SNTG2: variants seen among roughly 807,000 people sequenced by gnomAD.
SNTG2 encodes the protein gamma-2-syntrophin.
In SNTG2, 74 loss-of-function variants were observed where a neutral mutation model predicts 70.9. The ratio of observed to expected loss-of-function variants is 1.04; its 90% CI spans 0.86 to 1.27. The LOEUF is 1.27. SNTG2 is among the 50% of genes most tolerant of loss of function. The pLI is 0.00. For synonymous variants in SNTG2, 278 were observed against 273.8 expected, an observed-to-expected ratio of 1.02 and a Z score of -0.15; for missense variants, 717 against 690.7, an observed-to-expected ratio of 1.04 and a Z score of -0.43.
At chr2:1,310,370 G>C (rs541626359) in intron 15 of SNTG2, among the ~76,000 whole-genome samples, 2 of 152,162 alleles carry the variant, frequency 1.3e-5, no homozygotes, top group Non-Finnish European at 2.9e-5. Flanking sequence ...ACCCATGCTC[G>C]GGGCTCAGCA....
intron 4 of SNTG2, among the ~76,000 whole-genome samples, chr2:1,134,911 CG>C (rs1442731271): frequency 3.3e-5 from 5 of 152,194 alleles, no homozygotes; most frequent in Admixed American, 6.5e-5. Context: ...AGCGCAACAC[CG>C]GTGGGCCAGA....
At chr2:1,113,254 AAGTG>A (rs1666642768) in intron 4 of SNTG2, among the ~76,000 whole-genome samples, 1 of 149,440 alleles carries the variant, frequency 6.7e-6, no homozygotes, top group Admixed American at 6.6e-5. Flanking sequence ...GGTGTGTACT[AAGTG>A]AGGTTTAACC....
chr2:1,047,016 C>T (rs939019816), intron 1 of SNTG2, among the ~76,000 whole-genome samples: 9 of 152,112 alleles, frequency 5.9e-5, no homozygotes, highest in African/African-American at 2.2e-4. Flanking sequence ...GGTTTTGTCT[C>T]TTTATGTAGT....
intron 7 of SNTG2, among the ~76,000 whole-genome samples, chr2:1,171,373 A>G (rs1046995880): frequency 6.6e-6 from 1 of 152,206 alleles, no homozygotes; most frequent in African/African-American, 2.4e-5. Flanking sequence ...TCCTTTGTCT[A>G]TAGCATGAAC....
At chr2:1,272,395 T>C (rs72770635) in intron 14 of SNTG2, among the ~76,000 whole-genome samples, 13,487 of 135,088 alleles carry the variant, frequency 0.1, 680 homozygotes, top group South Asian at 0.16. Flanking sequence ...AGAGGTCAGG[T>C]GGTAATGCTC....
intron 12 of SNTG2, among the ~76,000 whole-genome samples, chr2:1,254,303 G>A (rs28554056): frequency 0.091 from 13,858 of 152,160 alleles, 699 homozygotes; most frequent in South Asian, 0.15. Flanking sequence ...GATTAAAGCC[G>A]GGACTCTCAA....
intron 14 of SNTG2, among the ~76,000 whole-genome samples, chr2:1,279,564 T>C (rs1679432011): frequency 6.6e-6 from 1 of 152,240 alleles, no homozygotes; most frequent in South Asian, 2.1e-4. Flanking sequence ...TGAAGGCTAT[T>C]GCTTATATCA....
chr2:1,191,327 G>A (rs1672580565), intron 8 of SNTG2, among the ~76,000 whole-genome samples: 1 of 152,124 alleles, frequency 6.6e-6, no homozygotes, highest in Non-Finnish European at 1.5e-5. Flanking sequence ...CTCTCATGTA[G>A]ACTTTACATT....
chr2:1,278,991 C>G (rs1333119783), intron 14 of SNTG2, among the ~76,000 whole-genome samples: 1 of 148,416 alleles, frequency 6.7e-6, no homozygotes, highest in Non-Finnish European at 1.5e-5. Context: ...CGCGAATCAC[C>G]CCTCTGTCAG....
chr2:1,124,400 T>G (rs542379134), intron 4 of SNTG2, among the ~76,000 whole-genome samples: 54 of 151,624 alleles, frequency 3.6e-4, no homozygotes, highest in African/African-American at 1.3e-3. Flanking sequence ...GTTCATGCCA[T>G]TCTCCTGCCT....
chr2:1,209,297 G>C, intron 9 of SNTG2, 67 bp downstream of exon 9: 3 of 1,599,990 alleles, frequency 1.9e-6, no homozygotes, highest in Non-Finnish European at 2.6e-6. Flanking sequence ...GTTCCTACAG[G>C]CCGCTGGTTA....
chr2:1,249,233 A>G (rs1204911792), intron 12 of SNTG2, among the ~76,000 whole-genome samples: 1 of 152,222 alleles, frequency 6.6e-6, no homozygotes, highest in African/African-American at 2.4e-5. Flanking sequence ...CTGTTTTATC[A>G]TGGAGACCTA....
At chr2:1,242,874 T>C (rs1179054749) in intron 11 of SNTG2, 1 of 152,244 alleles carries the variant, frequency 6.6e-6, no homozygotes, top group Non-Finnish European at 1.5e-5. Flanking sequence ...TTTATTATAA[T>C]GGTTATGACA....
At chr2:1,221,815 G>A (rs1553361535) in intron 9 of SNTG2, among the ~76,000 whole-genome samples, 22 of 1,112 alleles carry the variant, frequency 0.02, 9 homozygotes, top group South Asian at 0.062. Context: ...CTCTCTCTCG[G>A]TCTCTGTCTC....
At chr2:1,030,526 G>A (rs1310237921) in intron 1 of SNTG2, among the ~76,000 whole-genome samples, 3 of 152,160 alleles carry the variant, frequency 2.0e-5, no homozygotes, top group East Asian at 1.9e-4. Flanking sequence ...CTGTCCACAC[G>A]TGTGCCAGTG....
At chr2:1,229,387 A>C (rs1212718227) in intron 9 of SNTG2, among the ~76,000 whole-genome samples, 1 of 152,164 alleles carries the variant, frequency 6.6e-6, no homozygotes, top group Non-Finnish European at 1.5e-5. Flanking sequence ...TGGTGCATTC[A>C]CAAACCCTGA....
intron 11 of SNTG2, among the ~76,000 whole-genome samples, chr2:1,244,449 C>A (rs1677271664): frequency 1.3e-5 from 2 of 152,094 alleles, no homozygotes; most frequent in South Asian, 4.1e-4. Context: ...GTAATCCCAG[C>A]ACTTTGGGAG....
At chr2:1,036,775 C>G (rs1661152512) in intron 1 of SNTG2, among the ~76,000 whole-genome samples, 1 of 152,238 alleles carries the variant, frequency 6.6e-6, no homozygotes, top group Admixed American at 6.5e-5. Flanking sequence ...ATTTAAATCT[C>G]ACTGTCTGCA....
chr2:1,014,308 G>C (rs1431477944), intron 1 of SNTG2, among the ~76,000 whole-genome samples: 3 of 52,726 alleles, frequency 5.7e-5, no homozygotes, highest in African/African-American at 7.0e-5. Context: ...GAGAAGGGTG[G>C]TCTGTAGAGG....
Sources: allele counts gnomAD v4.1 joint callset (sites outside exome capture counted in the v4.1 genomes callset), GRCh38; gene constraint gnomAD v4.1.1; transcripts MANE v1.5; gene names NCBI Gene and HGNC (gene_info 2026-07-23, HGNC 2026-07-21).